Variants in DNAH11 observed in about 807,000 individuals in gnomAD.
DNAH11 encodes the protein dynein axonemal heavy chain 11, also known as axonemal beta dynein heavy chain 11.
Under a neutral mutation model 526.0 loss-of-function variants are expected in DNAH11, and 442 were observed. The ratio of observed to expected loss-of-function variants is 0.84; its 90% confidence interval spans 0.78 to 0.91. DNAH11 has a LOEUF of 0.91. Ranked by LOEUF, DNAH11 falls within the 40% of genes least tolerant of loss-of-function variation. The pLI, the probability that DNAH11 is intolerant of heterozygous loss-of-function variation, is 0.00. For synonymous variants in DNAH11, 2,461 were observed against 1,935.9 expected, an observed-to-expected ratio of 1.27 and a Z score of -7.12; for missense variants, 6,989 against 5,448.7, an observed-to-expected ratio of 1.28 and a Z score of -8.90.
At chr7:21,833,949 G>C (rs1781889371) in intron 65 of DNAH11, among the ~76,000 whole-genome samples, 1 of 152,098 alleles carries the variant, frequency 6.6e-6, no homozygotes, top group Admixed American at 6.5e-5. Context: ...AGAACATCCA[G>C]ATAGAAAATC....
At chr7:21,786,593 T>C (rs1448579970) in intron 58 of DNAH11, 31 bp from the exon 59 acceptor site, 1 of 1,583,036 alleles carries the variant, frequency 6.3e-7, no homozygotes, top group Non-Finnish European at 8.6e-7. Context: ...TAATCCTGTC[T>C]GTGTACGTGT....
intron 55 of DNAH11, among the ~76,000 whole-genome samples, chr7:21,768,540 G>T (rs1213076498): frequency 1.3e-5 from 2 of 152,126 alleles, no homozygotes; most frequent in African/African-American, 2.4e-5. Flanking sequence ...ATCTTTGGGG[G>T]CATGTTGACC....
intron 74 of DNAH11, among the ~76,000 whole-genome samples, chr7:21,879,019 A>C (rs1028858087): frequency 6.6e-6 from 1 of 152,212 alleles, no homozygotes; most frequent in African/African-American, 2.4e-5. Context: ...AGAACTGCCA[A>C]ATCTGAACAT....
chr7:21,846,886 T>C (rs1782441959), intron 66 of DNAH11, among the ~76,000 whole-genome samples: 1 of 152,166 alleles, frequency 6.6e-6, no homozygotes, highest in Non-Finnish European at 1.5e-5. Flanking sequence ...ATTTAATGCA[T>C]ATAGGCCTTT....
chr7:21,553,227 A>C (rs527497605), intron 2 of DNAH11, among the ~76,000 whole-genome samples: 1 of 151,720 alleles, frequency 6.6e-6, no homozygotes, highest in African/African-American at 2.4e-5. Context: ...GCCCATTATT[A>C]CTTTTATTTG....
At chr7:21,649,940 C>T (rs1408874566) in intron 28 of DNAH11, among the ~76,000 whole-genome samples, 3 of 152,140 alleles carry the variant, frequency 2.0e-5, no homozygotes, top group Non-Finnish European at 4.4e-5. Flanking sequence ...GCTGGGATTA[C>T]ACACGTGAGC....
At chr7:21,688,233 G>T (rs73273579) in intron 34 of DNAH11, among the ~76,000 whole-genome samples, 3,962 of 152,072 alleles carry the variant, frequency 0.026, 142 homozygotes, top group African/African-American at 0.085. Flanking sequence ...CCCTCACAGC[G>T]CTTCATTGCT....
At chr7:21,710,444 A>G (rs1034976418) in intron 40 of DNAH11, 109 bp from the exon 41 acceptor site, 1 of 947,890 alleles carries the variant, frequency 1.1e-6, no homozygotes, top group Non-Finnish European at 1.5e-6. Flanking sequence ...CACTGCCCGC[A>G]AGAAAGAGGC....
At chr7:21,656,301 A>G (rs1010551926) in intron 29 of DNAH11, among the ~76,000 whole-genome samples, 21 of 152,200 alleles carry the variant, frequency 1.4e-4, no homozygotes, top group African/African-American at 5.1e-4. Flanking sequence ...AGTCTGCTAC[A>G]AAGAGTATTC....
At chr7:21,898,716 T>C (rs917027343) in intron 79 of DNAH11, among the ~76,000 whole-genome samples, 3 of 152,190 alleles carry the variant, frequency 2.0e-5, no homozygotes, top group Non-Finnish European at 4.4e-5. Flanking sequence ...CCTTGCCCAA[T>C]TGTGAGGAGC....
chr7:21,678,721 A>G (rs942739397), intron 30 of DNAH11, among the ~76,000 whole-genome samples: 2 of 152,028 alleles, frequency 1.3e-5, no homozygotes, highest in African/African-American at 4.8e-5. Context: ...TTGTGTCTTT[A>G]ATTTTTTTCC....
chr7:21,800,675 AG>A (rs1309111216), intron 61 of DNAH11, among the ~76,000 whole-genome samples: 1 of 152,154 alleles, frequency 6.6e-6, no homozygotes, highest in Admixed American at 6.6e-5. Context: ...CTGGGTCTAA[AG>A]GGCTCAGTAA....
rs555695344 is a variant in DNAH11, at chr7:21,767,201, G to C, written c.9102+1612G>C. Reference sequence around the variant, plus strand: ...CTGCTTTATTAAAGGGAGAGAGTCAGTATGTATCTTCTGATAGCAAATTTG... The same window carrying C: ...CTGCTTTATTAAAGGGAGAGAGTCACTATGTATCTTCTGATAGCAAATTTG... On this transcript the variant is annotated intron_variant, in intron 55 of 81. Transcript: ENST00000409508. Among the ~76,000 whole-genome samples the C allele has an allele frequency of 2.0e-5, 3 of 152,300 alleles. No individual in the cohort carries two copies. The South Asian group carries it at 6.2e-4, about 32-fold the overall frequency.
chr7:21,601,031 T>C lies in DNAH11; in HGVS notation c.3277T>C (p.Tyr1093His), dbSNP rs1490985920. Reference protein sequence around the residue: ...KEQIDIYEALYVQMSKFEDFR... With the variant: ...KEQIDIYEALHVQMSKFEDFR... The stretch of plus-strand genomic sequence containing the variant: ...ACAGATTGACATTTATGAAGCTTTG[T>C]ATGTTCAAATGAGCAAATTTGAGGA... Residue 1093 changes from tyrosine to histidine, a missense_variant, in exon 17 of 82, where the codon TAT (tyrosine) becomes CAT (histidine). Transcript: ENST00000409508. 1.2e-6 allele frequency: 2 copies of C among 1,611,758 alleles called. No individual in the cohort carries two copies. Among genetic ancestry groups the C allele is most frequent in the South Asian group, 2.2e-5 (2 of 90,192 alleles).
chr7:21,607,923 C>T (rs1244740563), intron 20 of DNAH11, among the ~76,000 whole-genome samples: 1 of 93,782 alleles, frequency 1.1e-5, no homozygotes, highest in African/African-American at 4.3e-5. Context: ...GGCGACAGAG[C>T]AAGACTTCAT....
chr7:21,784,446 A>C lies in DNAH11; in HGVS notation c.9503A>C (p.Glu3168Ala). 1.2e-6 allele frequency: 2 copies of C among 1,613,308 alleles called. No individual in the cohort carries two copies. Among genetic ancestry groups the C allele is most frequent in the Middle Eastern group, 1.7e-4 (1 of 6,058 alleles). ...EERKVTAIQT[E>A]VFQKQRECEA... ...AATTAGGTGACAGCCATTCAGACTG[A>C]AGTGTTCCAGAAACAGAGAGAATGT... Residue 3168 changes from glutamate (E) to alanine (A), a missense_variant, in exon 58 of 82, where the codon GAA becomes GCA. Coordinates refer to ENST00000409508, the MANE Select transcript of DNAH11 (RefSeq NM_001277115.2).
intron 44 of DNAH11, among the ~76,000 whole-genome samples, chr7:21,722,244 C>G (rs1784907216): frequency 6.6e-6 from 1 of 152,170 alleles, no homozygotes; most frequent in Non-Finnish European, 1.5e-5. Context: ...CAAAGTCACG[C>G]TGATGGGAAA....
chr7:21,897,417 T>C (rs1554293762), intron 79 of DNAH11, among the ~76,000 whole-genome samples: 1 of 144,416 alleles, frequency 6.9e-6, no homozygotes, highest in Non-Finnish European at 1.5e-5. Context: ...AATGCTGCCG[T>C]GGAGATGTCA....
At chr7:21,712,943 G>A (rs1420310820) in intron 42 of DNAH11, among the ~76,000 whole-genome samples, 4 of 152,148 alleles carry the variant, frequency 2.6e-5, no homozygotes, top group Non-Finnish European at 5.9e-5. Context: ...TATTTGTTGA[G>A]TAAGTGAATA....
Sources: allele counts gnomAD v4.1 joint callset (sites outside exome capture counted in the v4.1 genomes callset), GRCh38; gene constraint gnomAD v4.1.1; transcripts MANE v1.5; gene names NCBI Gene and HGNC (gene_info 2026-07-23, HGNC 2026-07-21).